The following NUDCD3 variants were observed in gnomAD, a reference collection of about 807,000 sequenced individuals.
The protein encoded by NUDCD3 is NudC domain containing 3, also known as nudC domain-containing protein 3.
In NUDCD3, 13 loss-of-function variants were observed where a neutral mutation model predicts 39.7. The ratio of observed to expected loss-of-function variants is 0.33; its 90% CI spans 0.21 to 0.52. The LOEUF is 0.52. Ranked by LOEUF, NUDCD3 falls within the 20% of genes least tolerant of loss-of-function variation. The pLI, the probability that NUDCD3 is intolerant of heterozygous loss-of-function variation, is 0.96. For synonymous variants in NUDCD3, 175 were observed against 172.4 expected (o/e 1.02, Z -0.12); for missense variants, 453 against 458.1 (o/e 0.99, Z 0.10).
intron 2 of NUDCD3, among the ~76,000 whole-genome samples, chr7:44,440,281 C>G (rs756219594): frequency 6.6e-6 from 1 of 152,144 alleles, no homozygotes; most frequent in Non-Finnish European, 1.5e-5. Context: ...AGCCCTGAGT[C>G]TAATCATAAG....
intron 4 of NUDCD3, among the ~76,000 whole-genome samples, chr7:44,394,272 G>A (rs756917270): frequency 6.6e-6 from 1 of 152,228 alleles, no homozygotes; most frequent in Non-Finnish European, 1.5e-5. Flanking sequence ...GCTCTACCCA[G>A]TAAATGACGC....
chr7:44,406,983 C>G (rs1253698327), intron 3 of NUDCD3, among the ~76,000 whole-genome samples: 2 of 152,154 alleles, frequency 1.3e-5, no homozygotes, highest in East Asian at 3.8e-4. Flanking sequence ...GGACGCCCCA[C>G]TGAAAGGGAC....
At chr7:44,399,369 T>C (rs938719314) in intron 4 of NUDCD3, among the ~76,000 whole-genome samples, 2 of 152,246 alleles carry the variant, frequency 1.3e-5, no homozygotes, top group African/African-American at 4.8e-5. Context: ...AGGGCTCACA[T>C]TACATTCACA....
chr7:44,488,881 A>T (rs1800673811), intron 1 of NUDCD3, among the ~76,000 whole-genome samples: 1 of 152,232 alleles, frequency 6.6e-6, no homozygotes, highest in Non-Finnish European at 1.5e-5. Context: ...TTCATCTGTG[A>T]AACAAAGACC....
chr7:44,481,605 T>G (rs1800492085), intron 2 of NUDCD3: 1 of 152,228 alleles, frequency 6.6e-6, no homozygotes, highest in African/African-American at 2.4e-5. Flanking sequence ...AAACTGACCA[T>G]CACAATAACC....
rs1378619936 is a variant in NUDCD3, at chr7:44,380,996, C to T, written c.*5015G>A. ...GCAGGCAGACAAGGCAGGCAGGGCC[C>T]CAGCCCAATGCCTGAGTCAGCAGGC... On this transcript the variant is annotated 3_prime_UTR_variant, in exon 6 of 6. Transcript: ENST00000355451. The T allele has an allele frequency of 6.6e-6, 1 of 152,330 alleles. No individual in the cohort carries two copies. The highest frequency in any genetic ancestry group is 6.5e-5 in the Admixed American group (1 of 15,282). The allele number at this position is 152,330 out of a possible 1,614,324, so 9.4% of individuals were successfully genotyped here.
intron 2 of NUDCD3, among the ~76,000 whole-genome samples, chr7:44,482,844 G>T (rs114706635): frequency 1.1e-3 from 168 of 152,212 alleles, no homozygotes; most frequent in African/African-American, 4.0e-3. Context: ...TTAAACTATT[G>T]TAAGTATATT....
intron 2 of NUDCD3, among the ~76,000 whole-genome samples, chr7:44,454,265 T>G (rs980291164): frequency 6.6e-6 from 1 of 151,902 alleles, no homozygotes; most frequent in African/African-American, 2.4e-5. Flanking sequence ...CATGAACCCG[T>G]GAGGCGGAGC....
At chr7:44,475,957 G>A (rs1480888826) in intron 2 of NUDCD3, among the ~76,000 whole-genome samples, 6 of 152,034 alleles carry the variant, frequency 3.9e-5, no homozygotes, top group Admixed American at 6.6e-5. Context: ...TAATAGTAAC[G>A]ATAATAGCTA....
chr7:44,397,975 G>T (rs1038078516), intron 4 of NUDCD3, among the ~76,000 whole-genome samples: 1 of 151,984 alleles, frequency 6.6e-6, no homozygotes, highest in African/African-American at 2.4e-5. Flanking sequence ...ACACCCAGCT[G>T]GACACACATG....
intron 2 of NUDCD3, among the ~76,000 whole-genome samples, chr7:44,453,381 AAAT>A (rs1295555963): frequency 1.0e-3 from 159 of 151,846 alleles, no homozygotes; most frequent in African/African-American, 3.4e-3. Context: ...ATAAATAAAT[AAAT>A]AATAATAAAT....
intron 2 of NUDCD3, among the ~76,000 whole-genome samples, chr7:44,455,021 C>T (rs1043440232): frequency 6.6e-6 from 1 of 151,928 alleles, no homozygotes; most frequent in Non-Finnish European, 1.5e-5. Context: ...TCTTCTTTAT[C>T]TTGTCCTTCT....
chr7:44,400,769 T>C (rs1798706552), intron 4 of NUDCD3, among the ~76,000 whole-genome samples: 1 of 152,206 alleles, frequency 6.6e-6, no homozygotes, highest in Non-Finnish European at 1.5e-5. Flanking sequence ...ATCTCTGCCC[T>C]ATCTTCTCAT....
intron 2 of NUDCD3, among the ~76,000 whole-genome samples, chr7:44,436,479 T>C (rs1323922245): frequency 6.6e-6 from 1 of 152,198 alleles, no homozygotes; most frequent in African/African-American, 2.4e-5. Context: ...TATATACATA[T>C]ACAACTTTAA....
intron 2 of NUDCD3, among the ~76,000 whole-genome samples, chr7:44,441,283 C>G (rs1476814568): frequency 6.6e-6 from 1 of 152,180 alleles, no homozygotes; most frequent in East Asian, 1.9e-4. Context: ...GGTTTCTTAG[C>G]TTTACTCATA....
rs143985090 is a variant in NUDCD3, at chr7:44,399,160, G to A, written c.786+5280C>T. Among the ~76,000 whole-genome samples the A allele has an allele frequency of 4.1e-3, 627 of 152,240 alleles. 6 individuals carry two copies. Among genetic ancestry groups the A allele is most frequent in the African/African-American group, 0.014 (582 of 41,530 alleles). ...GAGGGTGCCCAGCACCCTGTCCATG[G>A]TGCCACCAAGAGGCACCATTAGCCG... On this transcript the variant is annotated intron_variant, in intron 4 of 5. Coordinates refer to ENST00000355451, the MANE Select transcript of NUDCD3 (RefSeq NM_015332.4).
intron 2 of NUDCD3, among the ~76,000 whole-genome samples, chr7:44,436,934 A>G (rs1799477366): frequency 6.6e-6 from 1 of 152,112 alleles, no homozygotes; most frequent in Admixed American, 6.6e-5. Flanking sequence ...CTTTATTCAC[A>G]TTAACATTTT....
At chr7:44,486,046 A>C (rs576856081) in intron 1 of NUDCD3, among the ~76,000 whole-genome samples, 51 of 152,374 alleles carry the variant, frequency 3.3e-4, no homozygotes, top group African/African-American at 1.2e-3. Context: ...AAAGAAATCT[A>C]GGGAGACTTC....
chr7:44,419,262 G>T (rs1799090929), intron 3 of NUDCD3, among the ~76,000 whole-genome samples: 1 of 152,154 alleles, frequency 6.6e-6, no homozygotes, highest in African/African-American at 2.4e-5. Context: ...CAAAGTGGCT[G>T]TGGCCAGACT....
Sources: gnomAD v4.1 joint callset for allele counts (sites outside exome capture counted in the v4.1 genomes callset) on GRCh38, gnomAD v4.1.1 for gene constraint, MANE v1.5 for transcripts, NCBI Gene and HGNC (gene_info 2026-07-23, HGNC 2026-07-21) for gene names.